GOLGB1: variants seen among roughly 807,000 people sequenced by gnomAD.
GOLGB1 encodes golgin subfamily B member 1.
A neutral mutation model predicts 336.9 loss-of-function variants in GOLGB1; 174 were observed. That is an observed-to-expected ratio of 0.52 (90% CI 0.46 to 0.59). The LOEUF (loss-of-function observed/expected upper bound fraction) is 0.59, where lower values mean the gene tolerates loss of function less well. Among genes scored for constraint, GOLGB1 ranks in the 20% least tolerant of loss-of-function variants. The pLI, the probability that GOLGB1 is intolerant of heterozygous loss-of-function variation, is 0.00. For synonymous variants in GOLGB1, 1,208 were observed against 1,289.2 expected (o/e 0.94, Z 1.35); for missense variants, 3,331 against 3,645.3 (o/e 0.91, Z 2.22).
chr3:121,667,282 T>C (rs527797561), intron 20 of GOLGB1, among the ~76,000 whole-genome samples, 194 bp downstream of exon 20: 1 of 152,226 alleles, frequency 6.6e-6, no homozygotes, highest in South Asian at 2.1e-4. Flanking sequence ...ACAACTGTTT[T>C]AGAAAACACT....
chr3:121,696,711 G>C lies in GOLGB1; in HGVS notation c.3812C>G (p.Pro1271Arg). 1 of 1,614,036 alleles carries C rather than the reference G, an allele frequency of 6.2e-7. No homozygotes were observed. The highest frequency in any genetic ancestry group is 8.5e-7 in the Non-Finnish European group (1 of 1,179,974). Residue 1271 changes from proline to arginine, a missense_variant, in exon 13 of 22, where the codon CCT becomes CGT. By Grantham distance (103) the Pro-to-Arg change is moderately radical. Coordinates refer to ENST00000614479, the MANE Select transcript of GOLGB1 (RefSeq NM_001366282.2). ...ATGCTGTTCTGTGGCTTTGAATAAA[G>C]GTTCTTCTAAACCTGGAGTGGAAGA... ...SCSSTPGLEE[P>R]LFKATEQHHT...
chr3:121,674,824 T>C (rs927337614), intron 17 of GOLGB1, among the ~76,000 whole-genome samples: 21 of 144,492 alleles, frequency 1.5e-4, no homozygotes, highest in Non-Finnish European at 2.4e-4. Context: ...GAGGTGCCTT[T>C]CTTTTTTTTT....
Position 121,664,342 on chromosome 3 carries a change from T to C in GOLGB1, c.*138A>G. On this transcript the variant is annotated 3_prime_UTR_variant, in exon 22 of 22. Transcript: ENST00000614479. ...ACCTGTCCTCGTATCCACCTCTGTT[T>C]TTGCAGGCACTTTCCGTGAAGAGTT... is the stretch of plus-strand genomic sequence containing the variant. 1.3e-6 allele frequency: 1 copy of C among 789,376 alleles called. No individual in the cohort carries two copies. Among genetic ancestry groups the C allele is most frequent in the Non-Finnish European group, 2.1e-6 (1 of 467,642 alleles). The allele number at this position is 789,376 out of a possible 1,614,324, so 48.9% of individuals were successfully genotyped here.
Position 121,698,417 on chromosome 3 carries a change from C to T in GOLGB1, c.2106G>A (p.Glu702=), listed in dbSNP as rs755451480. Residue 702 remains glutamate, a synonymous_variant, in exon 13 of 22, where the codon GAG becomes GAA. Coordinates refer to ENST00000614479, the MANE Select transcript of GOLGB1 (RefSeq NM_001366282.2). ...ERLKSQILEL[E]LNFHKAQEIY... ...TTTCTTGTGCTTTATGAAAGTTTAG[C>T]TCGAGCTCCAAAATTTGACTTTTTA... 1 of 1,613,766 alleles carries T rather than the reference C, an allele frequency of 6.2e-7. No homozygotes were observed. The highest frequency in any genetic ancestry group is 8.5e-7 in the Non-Finnish European group (1 of 1,179,904).
chr3:121,694,664 T>C lies in GOLGB1; in HGVS notation c.5859A>G (p.Gln1953=). The part of the protein sequence containing the change: ...GNYCQDVTDA[Q]IKNELLESEM... Reference sequence around the variant, plus strand: ...CAGATTCCAATAGCTCATTTTTTATTTGGGCATCTGTAACATCCTGACAGT... The same window carrying C: ...CAGATTCCAATAGCTCATTTTTTATCTGGGCATCTGTAACATCCTGACAGT... The change falls in exon 13 of 22, where the codon CAA becomes CAG. Residue 1953 remains glutamine (Q), a synonymous_variant. Transcript: ENST00000614479. 2 of 1,611,280 alleles carry C rather than the reference T, an allele frequency of 1.2e-6. No homozygotes were observed. Among genetic ancestry groups the C allele is most frequent in the Non-Finnish European group, 1.7e-6 (2 of 1,179,664 alleles).
rs141700840 is a variant in GOLGB1 at position 121,692,003 on chromosome 3, T to C, written c.7361A>G (p.Lys2454Arg). Residue 2454 changes from lysine (K) to arginine (R), a missense_variant, in exon 14 of 22, where the codon AAA becomes AGA. Lys to Arg is a conservative substitution (Grantham distance 26). Transcript: ENST00000614479. Reference protein sequence around the residue: ...NQLMETLKTIKKENIQQKAQL... With the variant: ...NQLMETLKTIRKENIQQKAQL... ...TGCCTTTTGCTGAATGTTTTCCTTT[T>C]TGATGGTTTTCAGTGTTTCCATAAG... is the stretch of plus-strand genomic sequence containing the variant. 404 of 1,613,714 alleles carry C rather than the reference T, an allele frequency of 2.5e-4. No individual in the cohort carries two copies. The highest frequency in any genetic ancestry group is 2.2e-4 in the Non-Finnish European group (255 of 1,179,902).
intron 1 of GOLGB1, among the ~76,000 whole-genome samples, chr3:121,743,159 T>C (rs140737510): frequency 0.018 from 2,817 of 152,308 alleles, 86 homozygotes; most frequent in African/African-American, 0.064. Context: ...TAAAGACATA[T>C]ACACATGTAT....
chr3:121,704,559 T>G (rs1233644398), intron 10 of GOLGB1, among the ~76,000 whole-genome samples: 2 of 152,100 alleles, frequency 1.3e-5, no homozygotes, highest in East Asian at 3.9e-4. Context: ...AGGTGGATCA[T>G]CTGAGGTTGG....
intron 10 of GOLGB1, among the ~76,000 whole-genome samples, chr3:121,708,259 A>G (rs909478978): frequency 2.0e-5 from 3 of 152,124 alleles, no homozygotes; most frequent in Non-Finnish European, 1.5e-5. Flanking sequence ...TGTGAGGGAA[A>G]AGATTAAAAG....
At chr3:121,707,263 C>CA (rs1410713508) in intron 10 of GOLGB1, among the ~76,000 whole-genome samples, 1 of 139,238 alleles carries the variant, frequency 7.2e-6, no homozygotes, top group Non-Finnish European at 1.6e-5. Context: ...AACAAACAAA[C>CA]AAAAAAACCC....
chr3:121,667,359 G>T, intron 20 of GOLGB1, 117 bp downstream of exon 20: 1 of 1,059,840 alleles, frequency 9.4e-7, no homozygotes, highest in Non-Finnish European at 1.4e-6. Context: ...ACTCATTGCA[G>T]CAACTACCTC....
chr3:121,691,713 T>C lies in GOLGB1; in HGVS notation c.7651A>G (p.Ile2551Val), dbSNP rs772647600. 7 of 1,612,722 alleles carry C rather than the reference T, an allele frequency of 4.3e-6. No homozygotes were observed. The Middle Eastern group carries it at 4.9e-4, about 114-fold the overall frequency. ...YREDLNQVITIKDSQQKQLLE... is the reference protein window; with the variant it reads ...YREDLNQVITVKDSQQKQLLE... ...AGCTGCTTTTGTTGGCTGTCCTTTATTGTTATCACTTGGTTCAGGTCTTCT... is the reference window on the plus strand; with the variant it reads ...AGCTGCTTTTGTTGGCTGTCCTTTACTGTTATCACTTGGTTCAGGTCTTCT... Residue 2551 changes from isoleucine (I) to valine (V), a missense_variant, in exon 14 of 22, where the codon ATA becomes GTA. Ile to Val is a conservative substitution (Grantham distance 29). Transcript: ENST00000614479.
At chr3:121,713,308 T>C (rs1194282977) in intron 10 of GOLGB1, among the ~76,000 whole-genome samples, 1 of 152,178 alleles carries the variant, frequency 6.6e-6, no homozygotes, top group Non-Finnish European at 1.5e-5. Flanking sequence ...ACATAACTAT[T>C]TGTATGAGAA....
At chr3:121,687,799 G>A (rs981441182) in intron 14 of GOLGB1, among the ~76,000 whole-genome samples, 16 of 152,122 alleles carry the variant, frequency 1.1e-4, no homozygotes, top group Non-Finnish European at 1.6e-4. Flanking sequence ...TGACTTAGAA[G>A]ATAATCAATA....
intron 1 of GOLGB1, among the ~76,000 whole-genome samples, chr3:121,742,134 A>G (rs1576489028): frequency 6.6e-6 from 1 of 152,204 alleles, no homozygotes; most frequent in Admixed American, 6.5e-5. Flanking sequence ...TTCATATGGA[A>G]CCAAAAAAGA....
chr3:121,694,443 T>C lies in GOLGB1; in HGVS notation c.6080A>G (p.Lys2027Arg). 1 of 1,613,318 alleles carries C rather than the reference T, an allele frequency of 6.2e-7. No individual in the cohort carries two copies. The highest frequency in any genetic ancestry group is 1.1e-5 in the South Asian group (1 of 90,906). Residue 2027 changes from lysine to arginine, a missense_variant, in exon 13 of 22, where the codon AAG becomes AGG. By Grantham distance (26) the Lys-to-Arg change is conservative. Coordinates refer to ENST00000614479, the MANE Select transcript of GOLGB1 (RefSeq NM_001366282.2). ...CCTGATGCAGTCCTTCTGTAGCTGC[T>C]TTACTTCTTGTTGTTTTTCTTTTAA... ...ELLKEKQQEV[K>R]QLQKDCIRYQ...
intron 17 of GOLGB1, among the ~76,000 whole-genome samples, chr3:121,675,597 G>A (rs1940266178): frequency 6.6e-6 from 1 of 152,236 alleles, no homozygotes; most frequent in Non-Finnish European, 1.5e-5. Flanking sequence ...GTAGTTCTAA[G>A]TGGGTAGGAG....
intron 13 of GOLGB1, among the ~76,000 whole-genome samples, chr3:121,693,026 T>C (rs994254399): frequency 2.6e-5 from 4 of 152,152 alleles, no homozygotes; most frequent in African/African-American, 7.2e-5. Flanking sequence ...ATTAGTTCTA[T>C]AGATTAAAAA....
At chr3:121,701,792 C>A (rs924069445) in intron 11 of GOLGB1, among the ~76,000 whole-genome samples, 6 of 152,022 alleles carry the variant, frequency 3.9e-5, no homozygotes, top group African/African-American at 1.4e-4. Context: ...ATGGCCCCTG[C>A]CCTTGAAGAG....
Sources: allele counts gnomAD v4.1 joint callset (sites outside exome capture counted in the v4.1 genomes callset), GRCh38; gene constraint gnomAD v4.1.1; transcripts MANE v1.5; gene names NCBI Gene and HGNC (gene_info 2026-07-23, HGNC 2026-07-21).